The following SLC26A7 variants were observed in gnomAD, a reference collection of about 807,000 sequenced individuals.
SLC26A7 encodes the protein solute carrier family 26 member 7.
SLC26A7 carries 59 observed loss-of-function variants against 82.5 expected under a neutral mutation model. The ratio of observed to expected loss-of-function variants is 0.72; its 90% CI spans 0.58 to 0.89. The LOEUF (loss-of-function observed/expected upper bound fraction) is 0.89. Among genes scored for constraint, SLC26A7 ranks in the 40% least tolerant of loss-of-function variants. The pLI is 0.00. For synonymous variants in SLC26A7, 271 were observed against 274.3 expected (o/e 0.99, Z 0.12); for missense variants, 820 against 793.0 (o/e 1.03, Z -0.41).
At chr8:91,283,926 T>A (rs1041671029) in intron 2 of SLC26A7, among the ~76,000 whole-genome samples, 10 of 152,192 alleles carry the variant, frequency 6.6e-5, no homozygotes, top group African/African-American at 1.9e-4. Flanking sequence ...AGAGTTCCTT[T>A]TCTACCATCG....
chr8:91,292,156 T>C (rs928881739), intron 3 of SLC26A7, among the ~76,000 whole-genome samples: 1 of 151,964 alleles, frequency 6.6e-6, no homozygotes, highest in Non-Finnish European at 1.5e-5. Flanking sequence ...ATACAAAAAA[T>C]TAGCTGGACG....
chr8:91,312,637 GTGTC>G (rs1169942899), intron 4 of SLC26A7, among the ~76,000 whole-genome samples: 1 of 56,550 alleles, frequency 1.8e-5, no homozygotes, highest in Non-Finnish European at 3.4e-5. Context: ...GTATGTAGGT[GTGTC>G]TGTGTGTGTG....
chr8:91,289,310 AT>A (rs1811800135), intron 3 of SLC26A7, 64 bp downstream of exon 3: 1 of 1,240,428 alleles, frequency 8.1e-7, no homozygotes, highest in Admixed American at 1.7e-5. Flanking sequence ...ATTATTACTG[AT>A]TACATCTCCT....
intron 2 of SLC26A7, among the ~76,000 whole-genome samples, chr8:91,256,791 C>A (rs1018729298): frequency 2.0e-5 from 3 of 152,074 alleles, no homozygotes; most frequent in African/African-American, 7.2e-5. Context: ...TAAATTATTT[C>A]AAATATTATG....
At chr8:91,314,228 A>C (rs1812567681) in intron 4 of SLC26A7, among the ~76,000 whole-genome samples, 1 of 152,190 alleles carries the variant, frequency 6.6e-6, no homozygotes, top group South Asian at 2.1e-4. Context: ...TTTATTAAGT[A>C]ATTAGCTTTA....
At chr8:91,217,092 AT>A (rs1377145948) in intron 1 of SLC26A7, among the ~76,000 whole-genome samples, 1 of 152,012 alleles carries the variant, frequency 6.6e-6, no homozygotes, top group African/African-American at 2.4e-5. Flanking sequence ...GGGCTGAGCC[AT>A]ATGTTTCTAT....
intron 2 of SLC26A7, among the ~76,000 whole-genome samples, chr8:91,230,045 G>GA (rs1810291285): frequency 6.6e-6 from 1 of 151,914 alleles, no homozygotes; most frequent in Non-Finnish European, 1.5e-5. Flanking sequence ...CCTATAAAAG[G>GA]AATCATACAA....
rs973498502 is a variant in SLC26A7 at position 91,351,735 on chromosome 8, C to G, written c.1141-75C>G. ...TCAAGATAAACTAAGAATTATCCCCCCCACCCCATAACTTTGACATAATAA... is the reference window on the plus strand; with the variant it reads ...TCAAGATAAACTAAGAATTATCCCCGCCACCCCATAACTTTGACATAATAA... On this transcript the variant is annotated intron_variant, in intron 9 of 18. Transcript: ENST00000276609. The G allele has an allele frequency of 3.3e-6, 3 of 911,922 alleles. No homozygotes were observed. The African/African-American group carries it at 4.9e-5, about 15-fold the overall frequency. 56.5% of individuals were successfully genotyped at this position (911,922 alleles called of 1,614,324 possible). A position where few individuals can be genotyped will look rare whatever the true frequency, so the allele number is the denominator to read the frequency against.
intron 4 of SLC26A7, among the ~76,000 whole-genome samples, chr8:91,317,891 TACTC>T (rs1173555566): frequency 6.7e-6 from 1 of 149,274 alleles, no homozygotes; most frequent in Non-Finnish European, 1.5e-5. Context: ...TTAACTGAGA[TACTC>T]ACATTGTACC....
rs151096456 is a variant in SLC26A7, at chr8:91,327,951, A to G, written c.643-6344A>G. ...GTGAAGAATTATTATCAATAATATC[A>G]TTATGCTCTAAAAATGTTTAAATCA... is the stretch of plus-strand genomic sequence containing the variant. On this transcript the variant is annotated intron_variant, in intron 5 of 18. Transcript: ENST00000276609. 2.7e-4 allele frequency among the ~76,000 whole-genome samples: 41 copies of G among 152,260 alleles called. No individual in the cohort carries two copies. The East Asian group carries it at 6.8e-3, about 25-fold the overall frequency.
At chr8:91,318,545 A>G (rs1306934343) in intron 5 of SLC26A7, among the ~76,000 whole-genome samples, 165 bp downstream of exon 5, 4 of 152,148 alleles carry the variant, frequency 2.6e-5, no homozygotes, top group Admixed American at 2.6e-4. Flanking sequence ...CAACTAATTT[A>G]GTGAGTAATT....
At chr8:91,279,143 A>G (rs965132480) in intron 2 of SLC26A7, among the ~76,000 whole-genome samples, 10 of 109,546 alleles carry the variant, frequency 9.1e-5, no homozygotes, top group South Asian at 5.3e-4. Context: ...ATATATATAT[A>G]TATATATATA....
At chr8:91,232,865 TTGAA>T (rs1480363947) in intron 2 of SLC26A7, among the ~76,000 whole-genome samples, 2 of 152,162 alleles carry the variant, frequency 1.3e-5, no homozygotes, top group Non-Finnish European at 2.9e-5. Context: ...ATACAGATGA[TTGAA>T]TGAGTTGATC....
chr8:91,363,481 T>C lies in SLC26A7; in HGVS notation c.1431T>C (p.Thr477=). 1 of 1,500,728 alleles carries C rather than the reference T, an allele frequency of 6.7e-7. No individual in the cohort carries two copies. The highest frequency in any genetic ancestry group is 9.2e-7 in the Non-Finnish European group (1 of 1,091,058). 93.0% of individuals were successfully genotyped at this position (1,500,728 alleles called of 1,614,324 possible). A position where few individuals can be genotyped will look rare whatever the true frequency, so the allele number is the denominator to read the frequency against. ...IVIGRFPRAM[T]VSIKNMKEME... Reference sequence around the variant, plus strand: ...TCTGCTTTAATTTCAGAGCAATGACTGTAAGTATAAAAAATATGAAAGAAA... The same window carrying C: ...TCTGCTTTAATTTCAGAGCAATGACCGTAAGTATAAAAAATATGAAAGAAA... Residue 477 remains threonine, a synonymous_variant, in exon 13 of 19, where the codon ACT becomes ACC. Coordinates refer to ENST00000276609, the MANE Select transcript of SLC26A7 (RefSeq NM_052832.4).
In SLC26A7 at chr8:91,351,743, A is replaced by G; in HGVS notation, c.1141-67A>G. On this transcript the variant is annotated intron_variant, in intron 9 of 18. Coordinates refer to ENST00000276609, the MANE Select transcript of SLC26A7 (RefSeq NM_052832.4). ...AACTAAGAATTATCCCCCCCACCCC[A>G]TAACTTTGACATAATAAAAAAGTTC... 5 of 1,017,714 alleles carry G rather than the reference A, an allele frequency of 4.9e-6. No individual in the cohort carries two copies. The Admixed American group carries it at 5.3e-5, about 11-fold the overall frequency. The allele number at this position is 1,017,714 out of a possible 1,614,324, so 63.0% of individuals were successfully genotyped here. A position where few individuals can be genotyped will look rare whatever the true frequency, so the allele number is the denominator to read the frequency against.
chr8:91,351,304 A>G (rs113180554), intron 9 of SLC26A7, among the ~76,000 whole-genome samples: 6 of 152,154 alleles, frequency 3.9e-5, no homozygotes, highest in African/African-American at 1.4e-4. Context: ...CATATCCCAT[A>G]TAACTACTCC....
At chr8:91,356,981 A>G (rs1813887679) in intron 11 of SLC26A7, among the ~76,000 whole-genome samples, 1 of 152,162 alleles carries the variant, frequency 6.6e-6, no homozygotes, top group Non-Finnish European at 1.5e-5. Flanking sequence ...AATCAGGTTC[A>G]CTGGAGATCT....
chr8:91,308,182 A>G (rs1208976255), intron 4 of SLC26A7, among the ~76,000 whole-genome samples: 1 of 151,648 alleles, frequency 6.6e-6, no homozygotes, highest in Admixed American at 6.6e-5. Context: ...AATGCCCCTC[A>G]ATCGGGATAT....
intron 14 of SLC26A7, among the ~76,000 whole-genome samples, chr8:91,369,410 A>G (rs913660482): frequency 6.6e-6 from 1 of 150,936 alleles, no homozygotes; most frequent in African/African-American, 2.4e-5. Context: ...TAGTGGTAGT[A>G]TATATGATCA....
Sources: gnomAD v4.1 joint callset for allele counts (sites outside exome capture counted in the v4.1 genomes callset) on GRCh38, gnomAD v4.1.1 for gene constraint, MANE v1.5 for transcripts, NCBI Gene and HGNC (gene_info 2026-07-23, HGNC 2026-07-21) for gene names.